The following MTRFR variants were observed in gnomAD, a reference collection of about 807,000 sequenced individuals.
MTRFR encodes the protein probable peptide chain release factor C12orf65, mitochondrial.
Under a neutral mutation model 11.9 loss-of-function variants are expected in MTRFR, and 10 were observed. That is an observed-to-expected ratio of 0.84 (90% CI 0.52 to 1.42). The LOEUF (loss-of-function observed/expected upper bound fraction) is 1.42, where lower values mean the gene tolerates loss of function less well. Among genes scored for constraint, MTRFR ranks in the 40% most tolerant of loss-of-function variants. The pLI is 0.00. For missense variants in MTRFR, 196 were observed against 197.9 expected (o/e 0.99, Z 0.06); for synonymous variants, 77 against 79.1 (o/e 0.97, Z 0.14).
chr12:123,243,623 T>G (rs1353735389), intron 1 of MTRFR, among the ~76,000 whole-genome samples: 5 of 152,032 alleles, frequency 3.3e-5, no homozygotes, highest in Non-Finnish European at 7.3e-5. Context: ...GAGAATCACT[T>G]GAACCCAGGA....
intron 1 of MTRFR, chr12:123,240,651 C>A (rs1350896631): frequency 6.7e-6 from 1 of 149,214 alleles, no homozygotes; most frequent in Admixed American, 6.7e-5. Flanking sequence ...AGATAAATGG[C>A]GTCCAGAAGG....
chr12:123,256,699 T>TA (rs2048185122), intron 2 of MTRFR, 114 bp from the exon 3 acceptor site: 1 of 839,018 alleles, frequency 1.2e-6, no homozygotes, highest in Admixed American at 2.3e-5. Flanking sequence ...TCTGTCTCAA[T>TA]AAATAAATAA....
At chr12:123,247,789 C>CA (rs1307348709) in intron 1 of MTRFR, among the ~76,000 whole-genome samples, 3 of 151,952 alleles carry the variant, frequency 2.0e-5, no homozygotes, top group Admixed American at 1.3e-4. Flanking sequence ...ACTAAAAATA[C>CA]AAAAAATTAG....
Position 123,253,604 on chromosome 12 carries a change from C to T in MTRFR, c.-28-43C>T. On this transcript the variant is annotated intron_variant, in intron 1 of 2. Coordinates refer to ENST00000253233, the MANE Select transcript of MTRFR (RefSeq NM_152269.5). ...TGAATCTGAAGCATAATCTTGAGGGCAGATGCCTCTTACTGAAAGCTCTCC... is the reference window on the plus strand; with the variant it reads ...TGAATCTGAAGCATAATCTTGAGGGTAGATGCCTCTTACTGAAAGCTCTCC... 17 of 1,573,910 alleles carry T rather than the reference C, an allele frequency of 1.1e-5. 1 individual carries two copies. In the South Asian group the frequency reaches 1.8e-4, roughly 17 times the overall value.
intron 1 of MTRFR, among the ~76,000 whole-genome samples, chr12:123,237,349 G>C (rs959412620): frequency 2.0e-5 from 3 of 152,150 alleles, no homozygotes; most frequent in Admixed American, 6.6e-5. Flanking sequence ...AGAATCACTT[G>C]AACCTGGGAG....
intron 1 of MTRFR, among the ~76,000 whole-genome samples, chr12:123,243,576 G>A (rs1238329188): frequency 6.7e-6 from 1 of 148,842 alleles, no homozygotes; most frequent in African/African-American, 2.5e-5. Context: ...GTGGTGGCAC[G>A]TGCCTGTAGT....
At chr12:123,253,107 TGAGACAC>T (rs2048136244) in intron 1 of MTRFR, among the ~76,000 whole-genome samples, 1 of 63,310 alleles carries the variant, frequency 1.6e-5, no homozygotes, top group African/African-American at 4.6e-5. Context: ...TTTTTTTTTT[TGAGACAC>T]TGTCTCGCTC....
intron 1 of MTRFR, among the ~76,000 whole-genome samples, chr12:123,242,503 G>A (rs1004990334): frequency 6.6e-6 from 1 of 152,176 alleles, no homozygotes; most frequent in Non-Finnish European, 1.5e-5. Flanking sequence ...TGGGGAAGTG[G>A]AACCATGGGT....
At chr12:123,250,308 T>C (rs1415776268) in intron 1 of MTRFR, 1 of 152,260 alleles carries the variant, frequency 6.6e-6, no homozygotes, top group Non-Finnish European at 1.5e-5. Context: ...TTTCCTTACA[T>C]TGGGCTTCAC....
chr12:123,254,164 C>T (rs2048154302), intron 2 of MTRFR: 1 of 590,502 alleles, frequency 1.7e-6, no homozygotes, highest in South Asian at 2.2e-5. Context: ...CTACAACAGC[C>T]TGGGAAGCCT....
At chr12:123,236,436 A>C (rs562380935) in intron 1 of MTRFR, among the ~76,000 whole-genome samples, 84 of 152,158 alleles carry the variant, frequency 5.5e-4, no homozygotes, top group African/African-American at 1.8e-3. Context: ...TCTACAAAAA[A>C]TTAAAAACTA....
chr12:123,249,329 C>T (rs1445222654), intron 1 of MTRFR: 1 of 152,534 alleles, frequency 6.6e-6, no homozygotes, highest in Admixed American at 6.5e-5. Context: ...CCGCACTCCT[C>T]AGCCCTTGGG....
Position 123,257,128 on chromosome 12 carries a change from AAG to A in MTRFR, c.*99_*100del. ...CACCAGCATTATTATAGTGCTTCAA[AAG>A]AAATATTTTTGATGAACTTAAAAGA... On this transcript the variant is annotated 3_prime_UTR_variant, in exon 3 of 3. Transcript: ENST00000253233. 1.0e-6 allele frequency: 1 copy of A among 953,224 alleles called. No homozygotes were observed. Among genetic ancestry groups the A allele is most frequent in the Non-Finnish European group, 1.7e-6 (1 of 602,032 alleles). The allele number at this position is 953,224 out of a possible 1,614,324, so 59.0% of individuals were successfully genotyped here.
intron 1 of MTRFR, chr12:123,240,678 C>T (rs2047919494): frequency 6.8e-6 from 1 of 147,306 alleles, no homozygotes; most frequent in Non-Finnish European, 1.5e-5. Flanking sequence ...CAGAGATTGA[C>T]ATCTCATGCT....
intron 1 of MTRFR, chr12:123,233,837 A>T (rs895083648): frequency 6.5e-6 from 1 of 153,060 alleles, no homozygotes; most frequent in South Asian, 2.1e-4. Context: ...GCCCAAGGCG[A>T]AACGGAAGGA....
intron 1 of MTRFR, among the ~76,000 whole-genome samples, chr12:123,244,655 C>T (rs2048006735): frequency 6.6e-6 from 1 of 152,050 alleles, no homozygotes; most frequent in Non-Finnish European, 1.5e-5. Context: ...TTTTTTGAGA[C>T]AGAGTCTCGC....
At position 123,257,234 on chromosome 12, in the gene MTRFR, A is replaced by C; in HGVS notation, c.*203A>C. 2 of 543,516 alleles carry C rather than the reference A, an allele frequency of 3.7e-6. No homozygotes were observed. The highest frequency in any genetic ancestry group is 6.5e-6 in the Non-Finnish European group (2 of 305,352). The allele number at this position is 543,516 out of a possible 1,614,324, so 33.7% of individuals were successfully genotyped here. A position where few individuals can be genotyped will look rare whatever the true frequency, so the allele number is the denominator to read the frequency against. On this transcript the variant is annotated 3_prime_UTR_variant, in exon 3 of 3. Coordinates refer to ENST00000253233, the MANE Select transcript of MTRFR (RefSeq NM_152269.5). ...ATTCAAGAATAAAACTCGGCTGGGCACGGTGGACGGTGCCTCACATCTGTA... is the reference window on the plus strand; with the variant it reads ...ATTCAAGAATAAAACTCGGCTGGGCCCGGTGGACGGTGCCTCACATCTGTA...
intron 1 of MTRFR, chr12:123,249,832 G>T (rs566621893): frequency 4.6e-5 from 7 of 152,410 alleles, no homozygotes; most frequent in South Asian, 4.1e-4. Context: ...CTCTCATTTG[G>T]ATAACCTGAT....
chr12:123,238,402 T>C (rs1289871811), intron 1 of MTRFR, among the ~76,000 whole-genome samples: 1 of 152,112 alleles, frequency 6.6e-6, no homozygotes, highest in Non-Finnish European at 1.5e-5. Flanking sequence ...ATCTCCTTCT[T>C]AAGGAAGAGA....
Sources: allele counts gnomAD v4.1 joint callset (sites outside exome capture counted in the v4.1 genomes callset), GRCh38; gene constraint gnomAD v4.1.1; transcripts MANE v1.5; gene names NCBI Gene and HGNC (gene_info 2026-07-23, HGNC 2026-07-21).